XKR4: variants seen among roughly 807,000 people sequenced by gnomAD.
XKR4 encodes XK-related protein 4.
In XKR4, 12 loss-of-function variants were observed where a neutral mutation model predicts 53.9. The observed-to-expected ratio is 0.22, with a 90% confidence interval of 0.14 to 0.36. XKR4 has a LOEUF of 0.36. XKR4 is among the 10% of genes least tolerant of loss of function. The probability of loss-of-function intolerance (pLI) is 1.00; values close to 1 mark genes in which losing one functional copy is unlikely to be tolerated. For missense variants in XKR4, 799 were observed against 859.5 expected (o/e 0.93, Z 0.88); for synonymous variants, 354 against 362.4 (o/e 0.98, Z 0.26).
intron 2 of XKR4, among the ~76,000 whole-genome samples, chr8:55,455,378 C>T (rs549841674): frequency 6.6e-6 from 1 of 152,170 alleles, no homozygotes; most frequent in Admixed American, 6.5e-5. Context: ...AATCTGTGGC[C>T]CTCTTCGCAA....
Position 55,538,147 on chromosome 8 carries a change from G to A in XKR4, c.*13920G>A, listed in dbSNP as rs925607234. On this transcript the variant is annotated 3_prime_UTR_variant, in exon 3 of 3. Coordinates refer to ENST00000327381, the MANE Select transcript of XKR4 (RefSeq NM_052898.2). ...GATTCCTTTCTGGATGCAGGGATGG[G>A]AGGGTCTATGGGTCAGTGACTGGGA... 5 of 152,216 alleles carry A rather than the reference G, an allele frequency of 3.3e-5. No individual in the cohort carries two copies. The highest frequency in any genetic ancestry group is 1.2e-4 in the African/African-American group (5 of 41,440). The allele number at this position is 152,216 out of a possible 1,614,324, so 9.4% of individuals were successfully genotyped here.
chr8:55,235,394 G>C (rs973187446), intron 1 of XKR4, among the ~76,000 whole-genome samples: 2 of 152,160 alleles, frequency 1.3e-5, no homozygotes, highest in East Asian at 3.9e-4. Context: ...CACTACAGTT[G>C]CCTCAAATGT....
At chr8:55,268,218 C>A (rs1281305481) in intron 1 of XKR4, among the ~76,000 whole-genome samples, 1 of 152,144 alleles carries the variant, frequency 6.6e-6, no homozygotes, top group Non-Finnish European at 1.5e-5. Flanking sequence ...TAACAAGATT[C>A]TCTATGAATT....
chr8:55,516,531 T>C (rs1334049627), intron 2 of XKR4, among the ~76,000 whole-genome samples: 2 of 152,178 alleles, frequency 1.3e-5, no homozygotes, highest in African/African-American at 4.8e-5. Context: ...GAAGTCAAGA[T>C]GTTTGCAATG....
intron 1 of XKR4, among the ~76,000 whole-genome samples, chr8:55,278,685 C>T (rs1307948347): frequency 6.6e-6 from 1 of 152,058 alleles, no homozygotes; most frequent in African/African-American, 2.4e-5. Context: ...TAAAATATTA[C>T]AAAATATTTT....
At chr8:55,138,863 A>C (rs1052562970) in intron 1 of XKR4, among the ~76,000 whole-genome samples, 1 of 152,180 alleles carries the variant, frequency 6.6e-6, no homozygotes, top group Non-Finnish European at 1.5e-5. Context: ...CCCATGTAAA[A>C]AGATTAAGTT....
chr8:55,366,190 T>C (rs1237650826), intron 2 of XKR4, among the ~76,000 whole-genome samples: 3 of 152,144 alleles, frequency 2.0e-5, no homozygotes, highest in East Asian at 1.9e-4. Flanking sequence ...GTGCCACCTA[T>C]TGGCAGAACC....
intron 1 of XKR4, among the ~76,000 whole-genome samples, chr8:55,278,814 A>C (rs986435229): frequency 6.6e-6 from 1 of 152,228 alleles, no homozygotes; most frequent in African/African-American, 2.4e-5. Context: ...ACAACTGCAT[A>C]TATAACAATT....
chr8:55,275,459 A>G (rs1818750962), intron 1 of XKR4, among the ~76,000 whole-genome samples: 1 of 152,194 alleles, frequency 6.6e-6, no homozygotes, highest in South Asian at 2.1e-4. Flanking sequence ...TATAATAAAT[A>G]TATTCATTTT....
At chr8:55,290,816 T>C (rs1022722657) in intron 1 of XKR4, among the ~76,000 whole-genome samples, 2 of 152,216 alleles carry the variant, frequency 1.3e-5, no homozygotes, top group African/African-American at 4.8e-5. Flanking sequence ...TAAATATTTT[T>C]TCCCAGACTG....
chr8:55,446,426 C>G (rs531396360), intron 2 of XKR4, among the ~76,000 whole-genome samples: 23 of 152,272 alleles, frequency 1.5e-4, no homozygotes, highest in African/African-American at 5.5e-4. Flanking sequence ...ACTGCAACCT[C>G]CATCTCCAGG....
chr8:55,459,327 T>G (rs893465554), intron 2 of XKR4, among the ~76,000 whole-genome samples: 1 of 152,152 alleles, frequency 6.6e-6, no homozygotes, highest in Non-Finnish European at 1.5e-5. Flanking sequence ...TATAAAACTT[T>G]AGAATAAAAC....
At chr8:55,108,448 T>G (rs1466902383) in intron 1 of XKR4, among the ~76,000 whole-genome samples, 4 of 152,180 alleles carry the variant, frequency 2.6e-5, no homozygotes, top group Non-Finnish European at 4.4e-5. Flanking sequence ...ATTATTCATC[T>G]CTGACTCAGT....
intron 1 of XKR4, chr8:55,164,148 TTGC>T (rs3214946): frequency 0.021 from 9,794 of 456,192 alleles, 351 homozygotes; most frequent in East Asian, 0.12. Context: ...CTACAGGAGT[TTGC>T]TCCAAGCGCC....
At chr8:55,306,492 G>A (rs1417389330) in intron 1 of XKR4, among the ~76,000 whole-genome samples, 1 of 152,190 alleles carries the variant, frequency 6.6e-6, no homozygotes, top group Non-Finnish European at 1.5e-5. Flanking sequence ...AGTTCCATGT[G>A]GCTGGGGAAG....
chr8:55,225,068 A>G (rs1419276756), intron 1 of XKR4, among the ~76,000 whole-genome samples: 2 of 152,238 alleles, frequency 1.3e-5, no homozygotes, highest in African/African-American at 2.4e-5. Flanking sequence ...CATAATATAA[A>G]ACTTACATTC....
rs1319100561 is a variant in XKR4, at chr8:55,357,211, T to C, written c.807-467T>C. Among the ~76,000 whole-genome samples the C allele has an allele frequency of 2.6e-5, 4 of 152,208 alleles. No homozygotes were observed. In the East Asian group the frequency reaches 7.7e-4, roughly 29 times the overall value. On this transcript the variant is annotated intron_variant, in intron 1 of 2. Coordinates refer to ENST00000327381, the MANE Select transcript of XKR4 (RefSeq NM_052898.2). Reference sequence around the variant, plus strand: ...TACTTTATTTTTTTCTCCTTTTGTATATGTTGGGAATTTGCAATAATAAAA... The same window carrying C: ...TACTTTATTTTTTTCTCCTTTTGTACATGTTGGGAATTTGCAATAATAAAA...
chr8:55,229,413 G>A (rs763760450), intron 1 of XKR4, among the ~76,000 whole-genome samples: 1 of 152,304 alleles, frequency 6.6e-6, no homozygotes. Context: ...GATTGTCTCC[G>A]TCAGTCGTTT....
In XKR4 at chr8:55,376,954, TCACACACACA is replaced by T. The variant is rs59737150; in HGVS notation, c.1006+19090_1006+19099del. Among the ~76,000 whole-genome samples the T allele has an allele frequency of 3.5e-4, 51 of 145,524 alleles. 2 individuals are homozygous for T. In the East Asian group the frequency reaches 9.7e-3, roughly 28 times the overall value. ...TCCATACACACACACAAACACACAC[TCACACACACA>T]CACACACACACAGAGAGAGAGAGAG... On this transcript the variant is annotated intron_variant, in intron 2 of 2. Transcript: ENST00000327381.
Sources: allele counts gnomAD v4.1 joint callset (sites outside exome capture counted in the v4.1 genomes callset), GRCh38; gene constraint gnomAD v4.1.1; transcripts MANE v1.5; gene names NCBI Gene and HGNC (gene_info 2026-07-23, HGNC 2026-07-21).